Variants in ZNF676 observed in about 807,000 individuals in gnomAD.
The protein encoded by ZNF676 is zinc finger protein 676.
In ZNF676, 4 loss-of-function variants were observed where a neutral mutation model predicts 6.0. That is an observed-to-expected ratio of 0.67 (90% confidence interval 0.33 to 1.53). The LOEUF (loss-of-function observed/expected upper bound fraction) is 1.53. Ranked by LOEUF, ZNF676 falls within the 40% of genes most tolerant of loss-of-function variation. The probability of loss-of-function intolerance (pLI) is 0.06; values close to 1 mark genes in which losing one functional copy is unlikely to be tolerated. For synonymous variants in ZNF676, 198 were observed against 223.1 expected, an observed-to-expected ratio of 0.89 and a Z score of 1.00; for missense variants, 644 against 679.7, an observed-to-expected ratio of 0.95 and a Z score of 0.58.
the ZNF676 span, among the ~76,000 whole-genome samples, chr19:22,252,018 T>A: frequency 1.3e-5 from 2 of 152,344 alleles, no homozygotes; most frequent in African/African-American, 2.4e-5. Flanking sequence ...TGCTCAATGT[T>A]TTCTTAAGTA....
At chr19:22,229,894 T>C in the ZNF676 span, among the ~76,000 whole-genome samples, 9 of 152,108 alleles carry the variant, frequency 5.9e-5, no homozygotes, top group East Asian at 1.7e-3. Context: ...TTTCACACTG[T>C]TGGGGGGAGT....
the ZNF676 span, among the ~76,000 whole-genome samples, chr19:22,239,128 A>G: frequency 6.6e-6 from 1 of 152,138 alleles, no homozygotes; most frequent in Non-Finnish European, 1.5e-5. Context: ...TTCTAAGCTG[A>G]ATCCAGAAAT....
the ZNF676 span, among the ~76,000 whole-genome samples, chr19:22,233,843 A>T: frequency 6.6e-6 from 1 of 152,206 alleles, no homozygotes; most frequent in African/African-American, 2.4e-5. Context: ...AGGTCATCCT[A>T]TCCACTTGAT....
the ZNF676 span, among the ~76,000 whole-genome samples, chr19:22,231,257 G>C: frequency 2.6e-5 from 4 of 151,254 alleles, no homozygotes; most frequent in Non-Finnish European, 5.9e-5. Context: ...AAAAGTAAAA[G>C]CATATCAGTA....
chr19:22,182,593 A>AAAACAAAAAAAAAC (rs1555773384), intron 2 of ZNF676, among the ~76,000 whole-genome samples: 2 of 90,930 alleles, frequency 2.2e-5, no homozygotes, highest in African/African-American at 9.0e-5. Context: ...TCTAAAAAAA[A>AAAACAAAAAAAAAC]AAAAAAAAAG....
chr19:22,213,779 G>C (rs2024156215), intron 1 of ZNF676, among the ~76,000 whole-genome samples: 1 of 152,096 alleles, frequency 6.6e-6, no homozygotes, highest in African/African-American at 2.4e-5. Context: ...CCCAGGAGCT[G>C]ATATTCACTA....
rs1197491832 is a variant in ZNF676 at position 22,179,787 on chromosome 19, G to T, written c.*163C>A. The T allele has an allele frequency of 5.7e-6, 5 of 871,440 alleles. No individual in the cohort carries two copies. In the African/African-American group the frequency reaches 6.7e-5, roughly 12 times the overall value. The allele number at this position is 871,440 out of a possible 1,614,324, so 54.0% of individuals were successfully genotyped here. On this transcript the variant is annotated 3_prime_UTR_variant, in exon 3 of 3. Coordinates refer to ENST00000397121, the MANE Select transcript of ZNF676 (RefSeq NM_001001411.3). ...CTTTGTCACATTCTTCACGTTTGTA[G>T]TGTTTCTCTCCAGCATGAATTTTCT...
the ZNF676 span, among the ~76,000 whole-genome samples, chr19:22,254,445 C>T: frequency 6.6e-6 from 1 of 152,276 alleles, no homozygotes; most frequent in East Asian, 1.9e-4. Flanking sequence ...GCAGGAGCCT[C>T]CCACCCTGAA....
chr19:22,215,861 T>C (rs1210651703), upstream of ZNF676, among the ~76,000 whole-genome samples: 1 of 150,700 alleles, frequency 6.6e-6, no homozygotes, highest in Non-Finnish European at 1.5e-5. Context: ...TGGATAATGT[T>C]TAAGGCCCCG....
intron 1 of ZNF676, among the ~76,000 whole-genome samples, chr19:22,210,373 G>A (rs1158295649): frequency 6.6e-6 from 1 of 152,010 alleles, no homozygotes; most frequent in East Asian, 1.9e-4. Flanking sequence ...GCTCATCTAT[G>A]CTTCTGACCT....
At chr19:22,215,061 C>CCA (rs1555775852) in intron 1 of ZNF676, among the ~76,000 whole-genome samples, 1 of 124,616 alleles carries the variant, frequency 8.0e-6, no homozygotes, top group South Asian at 2.6e-4. Context: ...AAAAAAAAAA[C>CCA]AACAAAAAAC....
At chr19:22,197,649 G>T (rs1356086918), upstream of ZNF676, among the ~76,000 whole-genome samples, 1 of 152,096 alleles carries the variant, frequency 6.6e-6, no homozygotes, top group Admixed American at 6.6e-5. Context: ...TCCAAAAACA[G>T]ACAAATGCAA....
At chr19:22,212,199 C>CAAAAAAAAAAAAAAAAA (rs34421901) in intron 1 of ZNF676, among the ~76,000 whole-genome samples, 1 of 119,136 alleles carries the variant, frequency 8.4e-6, no homozygotes, top group African/African-American at 3.2e-5. Flanking sequence ...GATTCTGTCT[C>CAAAAAAAAAAAAAAAAA]AAAAAAAAAA....
At position 22,180,346 on chromosome 19, in the gene ZNF676, G is replaced by C. The variant is rs1568523805; in HGVS notation, c.1371C>G (p.Ala457=). 1.2e-6 allele frequency: 2 copies of C among 1,612,514 alleles called. No individual in the cohort carries two copies. Among genetic ancestry groups the C allele is most frequent in the Non-Finnish European group, 1.7e-6 (2 of 1,179,576 alleles). The stretch of plus-strand genomic sequence containing the variant: ...TAGTAAAGCTTGAGGACCAGGTGAA[G>C]GCTTTGCCACATTCTTCACATTTGT... ...KPYKCEECGK[A]FTWSSSFTKH... is the part of the protein sequence containing the mutation. Residue 457 remains alanine (A), a synonymous_variant, in exon 3 of 3, where the codon GCC becomes GCG. Transcript: ENST00000397121.
At position 22,196,685 on chromosome 19, in the gene ZNF676, C is replaced by A. The variant is rs374753750; in HGVS notation, c.-52G>T. 82 of 1,612,870 alleles carry A rather than the reference C, an allele frequency of 5.1e-5. No homozygotes were observed. In the African/African-American group the frequency reaches 8.9e-4, roughly 18 times the overall value. ...TAGAATCCAGGCATTGCCACTCCTC[C>A]AGAGAGAATTCTATGGCCACATCCC... On this transcript the variant is annotated 5_prime_UTR_variant, in exon 1 of 3. Coordinates refer to ENST00000397121, the MANE Select transcript of ZNF676 (RefSeq NM_001001411.3).
the ZNF676 span, among the ~76,000 whole-genome samples, chr19:22,239,704 G>A: frequency 6.6e-6 from 1 of 152,182 alleles, no homozygotes; most frequent in African/African-American, 2.4e-5. Flanking sequence ...GCTCAGGCAG[G>A]AGAGTCACAA....
chr19:22,217,305 C>T (rs547878202), upstream of ZNF676, among the ~76,000 whole-genome samples: 4 of 152,296 alleles, frequency 2.6e-5, no homozygotes, highest in Non-Finnish European at 5.9e-5. Context: ...CAGGTTCAAG[C>T]GATGCTCCTG....
the ZNF676 span, among the ~76,000 whole-genome samples, chr19:22,240,898 T>A: frequency 6.6e-6 from 1 of 151,912 alleles, no homozygotes; most frequent in African/African-American, 2.4e-5. Flanking sequence ...CATACATGGA[T>A]GATGGGCACA....
upstream of ZNF676, among the ~76,000 whole-genome samples, chr19:22,220,709 G>A (rs181313955): frequency 1.8e-4 from 28 of 152,058 alleles, no homozygotes; most frequent in African/African-American, 4.8e-4. Context: ...CCCCCACCTC[G>A]TCCTACCAAA....
Sources: allele counts gnomAD v4.1 joint callset (sites outside exome capture counted in the v4.1 genomes callset), GRCh38; gene constraint gnomAD v4.1.1; transcripts MANE v1.5; gene names NCBI Gene and HGNC (gene_info 2026-07-23, HGNC 2026-07-21).